Variants in IL12RB2 observed in about 807,000 individuals in gnomAD.
IL12RB2 encodes the protein interleukin-12 receptor subunit beta-2.
IL12RB2 carries 82 observed loss-of-function variants against 89.4 expected under a neutral mutation model. The ratio of observed to expected loss-of-function variants is 0.92; its 90% CI spans 0.77 to 1.10. IL12RB2 has a LOEUF of 1.10. Among genes scored for constraint, IL12RB2 ranks in the 50% least tolerant of loss-of-function variants. The pLI is 0.00. For missense variants in IL12RB2, 963 were observed against 1,031.9 expected, an observed-to-expected ratio of 0.93 and a Z score of 0.92; for synonymous variants, 368 against 370.1, an observed-to-expected ratio of 0.99 and a Z score of 0.07.
chr1:67,341,200 TG>T (rs1227390868), intron 9 of IL12RB2, among the ~76,000 whole-genome samples: 3 of 152,086 alleles, frequency 2.0e-5, no homozygotes, highest in African/African-American at 4.8e-5. Context: ...GGCAGATCAC[TG>T]AAGTCCAGGA....
At chr1:67,382,582 C>G (rs1158243753) in intron 14 of IL12RB2, among the ~76,000 whole-genome samples, 1 of 152,128 alleles carries the variant, frequency 6.6e-6, no homozygotes, top group Non-Finnish European at 1.5e-5. Context: ...ACCAGACTTT[C>G]TGCAGTCGCC....
chr1:67,365,435 A>G (rs948469300), intron 10 of IL12RB2, among the ~76,000 whole-genome samples: 7 of 152,212 alleles, frequency 4.6e-5, no homozygotes, highest in Non-Finnish European at 2.9e-5. Flanking sequence ...GAAAATTACC[A>G]ATATCATAAA....
rs116462549 is a variant in IL12RB2, at chr1:67,350,948, A to G, written c.1117A>G (p.Met373Val). 511 of 1,614,202 alleles carry G rather than the reference A, an allele frequency of 3.2e-4. 2 individuals are homozygous for G. In the African/African-American group the frequency reaches 5.9e-3, roughly 19 times the overall value. ...GCAGGAGCTGACAGGAGGGAAAGCCATGACACAGAACATCACAGGACACAC... is the reference window on the plus strand; with the variant it reads ...GCAGGAGCTGACAGGAGGGAAAGCCGTGACACAGAACATCACAGGACACAC... Reference protein sequence around the residue: ...TLQELTGGKAMTQNITGHTSW... With the variant: ...TLQELTGGKAVTQNITGHTSW... Residue 373 changes from methionine to valine, a missense_variant, in exon 10 of 17, where the codon ATG (methionine) becomes GTG (valine). Physicochemically the swap from Met to Val is conservative, Grantham distance 21 (BLOSUM62 1). Transcript: ENST00000674203.
chr1:67,359,548 C>G (rs1661749085), intron 10 of IL12RB2, among the ~76,000 whole-genome samples: 1 of 152,034 alleles, frequency 6.6e-6, no homozygotes, highest in Non-Finnish European at 1.5e-5. Context: ...ATGGTGAAAC[C>G]CTGTCTCTAC....
At chr1:67,353,610 AT>A (rs902076261) in intron 10 of IL12RB2, among the ~76,000 whole-genome samples, 1 of 152,196 alleles carries the variant, frequency 6.6e-6, no homozygotes, top group Non-Finnish European at 1.5e-5. Context: ...ATGAGCACGT[AT>A]TTTTTGAAGG....
chr1:67,370,254 G>A (rs1463879569), intron 11 of IL12RB2, among the ~76,000 whole-genome samples: 1 of 152,084 alleles, frequency 6.6e-6, no homozygotes, highest in East Asian at 1.9e-4. Flanking sequence ...GCATCTGGCT[G>A]GGGCAGATTT....
chr1:67,338,972 T>A (rs997229165), intron 9 of IL12RB2, among the ~76,000 whole-genome samples: 4 of 152,118 alleles, frequency 2.6e-5, no homozygotes, highest in Admixed American at 2.6e-4. Flanking sequence ...TGACCCCAAC[T>A]ACTTCATCTC....
At chr1:67,381,894 G>A (rs1435908793) in intron 14 of IL12RB2, among the ~76,000 whole-genome samples, 1 of 152,120 alleles carries the variant, frequency 6.6e-6, no homozygotes, top group Non-Finnish European at 1.5e-5. Flanking sequence ...GCTGAGGCAA[G>A]AGAATCACTT....
intron 3 of IL12RB2, among the ~76,000 whole-genome samples, chr1:67,321,397 T>G (rs1461051454): frequency 6.6e-6 from 1 of 152,192 alleles, no homozygotes; most frequent in Non-Finnish European, 1.5e-5. Context: ...GGATGCATAT[T>G]TTCATTCAAA....
At chr1:67,344,900 G>A (rs550144960) in intron 9 of IL12RB2, among the ~76,000 whole-genome samples, 6 of 152,198 alleles carry the variant, frequency 3.9e-5, no homozygotes, top group East Asian at 1.9e-4. Flanking sequence ...AAGAAAATTC[G>A]GACTGGGCAT....
intron 15 of IL12RB2, among the ~76,000 whole-genome samples, chr1:67,386,872 T>TTATATA (rs1179774666): frequency 0.057 from 2,607 of 45,778 alleles, 60 homozygotes; most frequent in Non-Finnish European, 0.066. Flanking sequence ...GAAATGTATT[T>TTATATA]TATATATATA....
At chr1:67,350,496 G>T (rs1660710128) in intron 9 of IL12RB2, among the ~76,000 whole-genome samples, 1 of 152,256 alleles carries the variant, frequency 6.6e-6, no homozygotes, top group South Asian at 2.1e-4. Flanking sequence ...GGGGCTGAGT[G>T]CCTTGCCCTT....
At chr1:67,320,524 T>C (rs1035101465) in intron 3 of IL12RB2, 80 bp downstream of exon 3, 2 of 1,604,220 alleles carry the variant, frequency 1.2e-6, no homozygotes, top group Non-Finnish European at 1.7e-6. Context: ...GTATTTGTGG[T>C]AAATGTTCTG....
intron 10 of IL12RB2, among the ~76,000 whole-genome samples, chr1:67,357,234 T>G (rs1206996619): frequency 3.3e-5 from 5 of 152,060 alleles, no homozygotes; most frequent in Non-Finnish European, 5.9e-5. Context: ...AAAAATTAGC[T>G]GGGTGTGATG....
chr1:67,329,997 T>C (rs780478454), intron 7 of IL12RB2, among the ~76,000 whole-genome samples: 2 of 152,178 alleles, frequency 1.3e-5, no homozygotes, highest in Admixed American at 6.5e-5. Context: ...TTCTCCTTAT[T>C]ATTTACCCTG....
At chr1:67,312,785 T>C (rs1157073934) in intron 1 of IL12RB2, among the ~76,000 whole-genome samples, 1 of 149,840 alleles carries the variant, frequency 6.7e-6, no homozygotes, top group Admixed American at 6.6e-5. Context: ...AGAAAGTTCC[T>C]GTACTTGGGT....
At chr1:67,372,825 T>A in intron 13 of IL12RB2, 42 bp downstream of exon 13, 2 of 1,421,600 alleles carry the variant, frequency 1.4e-6, no homozygotes, top group Non-Finnish European at 2.0e-6. Context: ...GCCTTCTTGT[T>A]TGGATGTCAG....
At chr1:67,371,407 A>C (rs1230661545) in intron 11 of IL12RB2, among the ~76,000 whole-genome samples, 1 of 149,594 alleles carries the variant, frequency 6.7e-6, no homozygotes, top group Non-Finnish European at 1.5e-5. Context: ...ATATAAAATT[A>C]TTCTTCCTGA....
intron 16 of IL12RB2, among the ~76,000 whole-genome samples, 197 bp downstream of exon 16, chr1:67,390,325 G>A (rs1264922925): frequency 2.0e-5 from 3 of 152,040 alleles, no homozygotes; most frequent in African/African-American, 7.2e-5. Flanking sequence ...GGAATCTTCT[G>A]AAGTTTATGA....
Sources: gnomAD v4.1 joint callset for allele counts (sites outside exome capture counted in the v4.1 genomes callset) on GRCh38, gnomAD v4.1.1 for gene constraint, MANE v1.5 for transcripts, NCBI Gene and HGNC (gene_info 2026-07-23, HGNC 2026-07-21) for gene names.